MAGI1: variants seen among roughly 807,000 people sequenced by gnomAD.
MAGI1 encodes the protein membrane associated guanylate kinase, WW and PDZ domain containing 1, also known as membrane-associated guanylate kinase, WW and PDZ domain-containing protein 1.
Under a neutral mutation model 139.9 loss-of-function variants are expected in MAGI1, and 58 were observed. That is an observed-to-expected ratio of 0.41 (90% CI 0.34 to 0.52). The LOEUF (loss-of-function observed/expected upper bound fraction) is 0.52, where lower values mean the gene tolerates loss of function less well. Among genes scored for constraint, MAGI1 ranks in the 20% least tolerant of loss-of-function variants. The probability of loss-of-function intolerance (pLI) is 0.12; values close to 1 mark genes in which losing one functional copy is unlikely to be tolerated. For missense variants in MAGI1, 1,874 were observed against 1,901.6 expected, an observed-to-expected ratio of 0.99 and a Z score of 0.27; for synonymous variants, 812 against 737.9, an observed-to-expected ratio of 1.10 and a Z score of -1.63.
chr3:65,651,501 G>A (rs1335500284), intron 1 of MAGI1, among the ~76,000 whole-genome samples: 2 of 152,106 alleles, frequency 1.3e-5, no homozygotes, highest in African/African-American at 2.4e-5. Context: ...GGTTAGCTGT[G>A]CACATGGAGA....
intron 1 of MAGI1, among the ~76,000 whole-genome samples, chr3:65,804,503 T>A (rs1053923276): frequency 6.6e-6 from 1 of 151,996 alleles, no homozygotes; most frequent in Non-Finnish European, 1.5e-5. Context: ...TATTAATACA[T>A]GTTATATACT....
chr3:65,846,976 C>CCAAAAAAAAA (rs767647561), intron 1 of MAGI1, among the ~76,000 whole-genome samples: 3 of 80,988 alleles, frequency 3.7e-5, no homozygotes, highest in African/African-American at 1.5e-4. Flanking sequence ...CAATGTCTTA[C>CCAAAAAAAAA]AAAAAAAAAA....
chr3:65,647,866 CT>C (rs1164392732), intron 1 of MAGI1, among the ~76,000 whole-genome samples: 1 of 152,154 alleles, frequency 6.6e-6, no homozygotes, highest in Non-Finnish European at 1.5e-5. Context: ...AAATGGAATA[CT>C]TTTCCCCCTC....
chr3:65,458,212 C>G (rs1949528694), intron 5 of MAGI1, among the ~76,000 whole-genome samples: 2 of 152,130 alleles, frequency 1.3e-5, no homozygotes, highest in South Asian at 4.1e-4. Flanking sequence ...GATGAACATT[C>G]AGGTTGTTTC....
At chr3:65,455,164 A>G (rs977603443) in intron 5 of MAGI1, among the ~76,000 whole-genome samples, 8 of 152,168 alleles carry the variant, frequency 5.3e-5, no homozygotes, top group African/African-American at 1.9e-4. Flanking sequence ...TAAAAGAAAG[A>G]AGAGAGATCC....
chr3:65,811,160 T>C lies in MAGI1; in HGVS notation c.314-189072A>G, dbSNP rs76942344. 5.1e-3 allele frequency among the ~76,000 whole-genome samples: 773 copies of C among 152,308 alleles called. 10 individuals are homozygous for C. Among genetic ancestry groups the C allele is most frequent in the Admixed American group, 0.031 (472 of 15,300 alleles). On this transcript the variant is annotated intron_variant, in intron 1 of 22. Coordinates refer to ENST00000402939, the MANE Select transcript of MAGI1 (RefSeq NM_001033057.2). Reference sequence around the variant, plus strand: ...AAACTGCCACACAGCCTTCATTATTTTCCTACAGGCAACTTCATAGGATAA... The same window carrying C: ...AAACTGCCACACAGCCTTCATTATTCTCCTACAGGCAACTTCATAGGATAA...
intron 2 of MAGI1, among the ~76,000 whole-genome samples, chr3:65,524,635 A>G (rs769814635): frequency 1.6e-4 from 24 of 152,122 alleles, no homozygotes; most frequent in Non-Finnish European, 3.4e-4. Context: ...AACACATCCT[A>G]CTCTGCTGCC....
intron 1 of MAGI1, among the ~76,000 whole-genome samples, chr3:65,645,189 T>C (rs2085194339): frequency 6.6e-6 from 1 of 151,452 alleles, no homozygotes; most frequent in South Asian, 2.1e-4. Flanking sequence ...GCAAAATATA[T>C]AAAAATAGAG....
At chr3:65,871,035 T>G (rs2059921162) in intron 1 of MAGI1, among the ~76,000 whole-genome samples, 1 of 152,090 alleles carries the variant, frequency 6.6e-6, no homozygotes, top group African/African-American at 2.4e-5. Context: ...GCCTCCCGGA[T>G]TCAATTGATC....
In MAGI1 at chr3:65,622,922, C is replaced by A. The variant is rs1403158223; in HGVS notation, c.314-834G>T. The stretch of plus-strand genomic sequence containing the variant: ...AATAAAAACAAAGACCTGGAAACAA[C>A]CAAAAGGGAGCAATTAAAGCACAAT... On this transcript the variant is annotated intron_variant, in intron 1 of 22. Transcript: ENST00000402939. Among the ~76,000 whole-genome samples the A allele has an allele frequency of 2.0e-5, 3 of 152,080 alleles. No homozygotes were observed. In the East Asian group the frequency reaches 5.8e-4, roughly 29 times the overall value.
At chr3:65,619,753 C>G (rs1167527334) in intron 2 of MAGI1, 14 of 580,900 alleles carry the variant, frequency 2.4e-5, no homozygotes, top group Non-Finnish European at 3.0e-5. Context: ...CCCCAGTCTA[C>G]TCATGTTCAA....
chr3:65,606,296 C>G (rs977095951), intron 2 of MAGI1, among the ~76,000 whole-genome samples: 2 of 151,984 alleles, frequency 1.3e-5, no homozygotes, highest in Non-Finnish European at 2.9e-5. Context: ...CTCTCAGTGC[C>G]CTGAAGGTTA....
intron 1 of MAGI1, among the ~76,000 whole-genome samples, chr3:65,968,221 A>G (rs2064851872): frequency 1.3e-5 from 2 of 152,250 alleles, no homozygotes. Context: ...GAACAAAAAC[A>G]TGAAATGTGT....
intron 1 of MAGI1, among the ~76,000 whole-genome samples, chr3:65,962,857 G>T (rs1222828568): frequency 8.9e-6 from 1 of 112,456 alleles, no homozygotes; most frequent in Admixed American, 9.6e-5. Context: ...AGAAGCAGAA[G>T]AAAAAGAAGA....
chr3:65,681,528 T>C (rs2087589977), intron 1 of MAGI1, among the ~76,000 whole-genome samples: 1 of 152,182 alleles, frequency 6.6e-6, no homozygotes, highest in Non-Finnish European at 1.5e-5. Flanking sequence ...ACATTACAAT[T>C]TACACTATCA....
In MAGI1 at chr3:65,977,797, G is replaced by A. The variant is rs561733398; in HGVS notation, c.313+60199C>T. Among the ~76,000 whole-genome samples the A allele has an allele frequency of 7.6e-4, 115 of 151,640 alleles. 1 individual carries two copies. The highest frequency in any genetic ancestry group is 2.2e-3 in the African/African-American group (92 of 41,344). ...AGGCCTCCATCTCCTGTTTGTGCCC[G>A]ACTTGAGCCACATTCATCTGCTAGT... On this transcript the variant is annotated intron_variant, in intron 1 of 22. Coordinates refer to ENST00000402939, the MANE Select transcript of MAGI1 (RefSeq NM_001033057.2).
intron 2 of MAGI1, among the ~76,000 whole-genome samples, chr3:65,528,731 C>A (rs1357830): frequency 0.39 from 59,091 of 151,990 alleles, 11,737 homozygotes; most frequent in Middle Eastern, 0.42. Flanking sequence ...GCCCCTGTAC[C>A]AAAACATTAT....
intron 19 of MAGI1, 53 bp from the exon 20 acceptor site, chr3:65,364,778 A>G: frequency 6.2e-7 from 1 of 1,607,880 alleles, no homozygotes; most frequent in South Asian, 1.1e-5. Context: ...AAACTGAGAA[A>G]GAATCAAGGA....
At chr3:65,919,664 T>C (rs2062077102) in intron 1 of MAGI1, among the ~76,000 whole-genome samples, 1 of 130,014 alleles carries the variant, frequency 7.7e-6, no homozygotes, top group Admixed American at 8.1e-5. Context: ...ATTTTCATTC[T>C]CTCATTCTCT....
Sources: gnomAD v4.1 joint callset for allele counts (sites outside exome capture counted in the v4.1 genomes callset) on GRCh38, gnomAD v4.1.1 for gene constraint, MANE v1.5 for transcripts, NCBI Gene and HGNC (gene_info 2026-07-23, HGNC 2026-07-21) for gene names.